Variants in EPB41L4B observed in about 807,000 individuals in gnomAD.
EPB41L4B encodes the protein erythrocyte membrane protein band 4.1 like 4B, also known as band 4.1-like protein 4B.
Under a neutral mutation model 112.5 loss-of-function variants are expected in EPB41L4B, and 30 were observed. That is an observed-to-expected ratio of 0.27 (90% confidence interval 0.20 to 0.36). The LOEUF (loss-of-function observed/expected upper bound fraction) is 0.36, where lower values mean the gene tolerates loss of function less well. Among genes scored for constraint, EPB41L4B ranks in the 10% least tolerant of loss-of-function variants. The probability of loss-of-function intolerance (pLI) is 1.00; values close to 1 mark genes in which losing one functional copy is unlikely to be tolerated. For synonymous variants in EPB41L4B, 408 were observed against 439.7 expected (o/e 0.93, Z 0.90); for missense variants, 1,024 against 1,133.3 (o/e 0.90, Z 1.38).
At chr9:109,255,926 A>T in intron 9 of EPB41L4B, 83 bp from the exon 10 acceptor site, 2 of 1,396,686 alleles carry the variant, frequency 1.4e-6, no homozygotes, top group Non-Finnish European at 2.0e-6. Flanking sequence ...TTCTACTTTT[A>T]AAGCTTAGAC....
At chr9:109,311,585 C>A (rs1837416002) in intron 1 of EPB41L4B, among the ~76,000 whole-genome samples, 2 of 152,206 alleles carry the variant, frequency 1.3e-5, no homozygotes, top group Admixed American at 1.3e-4. Flanking sequence ...CCAGCTATGA[C>A]TTTGGGGAAA....
chr9:109,304,316 A>G (rs1385767133), intron 1 of EPB41L4B, among the ~76,000 whole-genome samples: 4 of 152,156 alleles, frequency 2.6e-5, no homozygotes, highest in African/African-American at 4.8e-5. Flanking sequence ...TTCCAATACT[A>G]GATATACAAT....
intron 22 of EPB41L4B, among the ~76,000 whole-genome samples, chr9:109,188,534 T>C (rs1383615340): frequency 6.6e-6 from 1 of 152,186 alleles, no homozygotes; most frequent in Admixed American, 6.5e-5. Flanking sequence ...ATGGACTAAA[T>C]AGATTTCTCT....
At chr9:109,191,171 C>A (rs528139906) in intron 22 of EPB41L4B, among the ~76,000 whole-genome samples, 1 of 152,264 alleles carries the variant, frequency 6.6e-6, no homozygotes, top group East Asian at 1.9e-4. Flanking sequence ...GATTCTGGAA[C>A]AAAGTGAGGT....
Position 109,203,624 on chromosome 9 carries a change from G to C in EPB41L4B, c.1946+39C>G. On this transcript the variant is annotated intron_variant, in intron 19 of 25. Transcript: ENST00000374566. Reference sequence around the variant, plus strand: ...TTTCAAGGATAATGTTGATGATACAGAGAATATCATTTCCCCATTCAGACA... The same window carrying C: ...TTTCAAGGATAATGTTGATGATACACAGAATATCATTTCCCCATTCAGACA... 4 of 1,468,138 alleles carry C rather than the reference G, an allele frequency of 2.7e-6. 1 individual carries two copies. The South Asian group carries it at 3.4e-5, about 13-fold the overall frequency. The allele number at this position is 1,468,138 out of a possible 1,614,324, so 90.9% of individuals were successfully genotyped here. A position where few individuals can be genotyped will look rare whatever the true frequency, so the allele number is the denominator to read the frequency against.
chr9:109,241,598 A>G, intron 15 of EPB41L4B: 1 of 1,603,310 alleles, frequency 6.2e-7, no homozygotes, highest in Non-Finnish European at 8.5e-7. Flanking sequence ...ATCTGAGGCC[A>G]AGACACTTTT....
At chr9:109,269,560 G>A (rs1424856325) in intron 2 of EPB41L4B, among the ~76,000 whole-genome samples, 7 of 152,170 alleles carry the variant, frequency 4.6e-5, no homozygotes, top group Admixed American at 4.6e-4. Context: ...CCTGTGCCAG[G>A]CACAAGATAT....
At position 109,194,283 on chromosome 9, in the gene EPB41L4B, C is replaced by G; in HGVS notation, c.2160G>C (p.Lys720Asn). The change falls in exon 21 of 26, where the codon AAG becomes AAC. Residue 720 changes from lysine to asparagine, a missense_variant. Lys to Asn is a moderately conservative substitution (Grantham distance 94). Coordinates refer to ENST00000374566, the MANE Select transcript of EPB41L4B (RefSeq NM_019114.5). ...TGTGAGGCGAGCTGACATTCTGGAC[C>G]TTGGGGGACGGCAGCGGCACGGAGA... ...TQVSVPLPSP[K>N]VQNVSSPHKS... 1 of 1,614,198 alleles carries G rather than the reference C, an allele frequency of 6.2e-7. No individual in the cohort carries two copies. Among genetic ancestry groups the G allele is most frequent in the South Asian group, 1.1e-5 (1 of 91,076 alleles).
chr9:109,252,362 C>A lies in EPB41L4B; in HGVS notation c.1280-851G>T, dbSNP rs1484533244. ...AACAGAACAGAGAGCGTTCTGGCCC[C>A]TTCCTCCCGGGCGCTGTGGCCACCC... On this transcript the variant is annotated intron_variant, in intron 12 of 25. Coordinates refer to ENST00000374566, the MANE Select transcript of EPB41L4B (RefSeq NM_019114.5). Among the ~76,000 whole-genome samples, 3 of 152,326 alleles carry A rather than the reference C, an allele frequency of 2.0e-5. No homozygotes were observed. In the South Asian group the frequency reaches 6.2e-4, roughly 32 times the overall value.
At chr9:109,273,692 C>T (rs1356096793) in intron 2 of EPB41L4B, among the ~76,000 whole-genome samples, 3 of 152,168 alleles carry the variant, frequency 2.0e-5, no homozygotes, top group African/African-American at 4.8e-5. Context: ...CCTCAGAGCA[C>T]GGGCACCTGA....
chr9:109,306,791 A>G (rs529998810), intron 1 of EPB41L4B, among the ~76,000 whole-genome samples: 5 of 152,290 alleles, frequency 3.3e-5, no homozygotes, highest in South Asian at 2.1e-4. Context: ...TTAACTTATT[A>G]ATCAGCCAGC....
Position 109,241,288 on chromosome 9 carries a change from T to G in EPB41L4B, c.1409+2330A>C, listed in dbSNP as rs894390830. On this transcript the variant is annotated intron_variant, in intron 15 of 25. Coordinates refer to ENST00000374566, the MANE Select transcript of EPB41L4B (RefSeq NM_019114.5). ...GAAACTGGACCCTAGCAATCTCAAC[T>G]TCTACGACAGGAATATATGCTGAGC... 3 of 1,001,864 alleles carry G rather than the reference T, an allele frequency of 3.0e-6. No individual in the cohort carries two copies. In the African/African-American group the frequency reaches 5.2e-5, roughly 17 times the overall value. 62.1% of individuals were successfully genotyped at this position (1,001,864 alleles called of 1,614,324 possible).
intron 15 of EPB41L4B, among the ~76,000 whole-genome samples, chr9:109,236,298 T>C (rs1329287129): frequency 6.6e-6 from 1 of 152,044 alleles, no homozygotes; most frequent in Non-Finnish European, 1.5e-5. Flanking sequence ...AAAGAACCAC[T>C]AGAATGCTCG....
In EPB41L4B at chr9:109,216,924, G is replaced by A. The variant is rs547175393; in HGVS notation, c.1631C>T (p.Thr544Ile). Reference protein sequence around the residue: ...RSPNSSSKSLTKLSPGTPALF... With the variant: ...RSPNSSSKSLIKLSPGTPALF... ...TTGCCCCCTCCACCCCTACTCACTT[G>A]TAAGGGACTTGCTGCTGGAGTTTGG... The change falls in exon 16 of 26, where the codon ACA (threonine) becomes ATA (isoleucine). Residue 544 changes from threonine (T) to isoleucine (I), a missense_variant and splice_region_variant. Transcript: ENST00000374566. 5 of 1,613,964 alleles carry A rather than the reference G, an allele frequency of 3.1e-6. No homozygotes were observed. The South Asian group carries it at 3.3e-5, about 11-fold the overall frequency.
At chr9:109,217,283 A>G (rs1021867735) in intron 15 of EPB41L4B, 138 bp from the exon 16 acceptor site, 1 of 702,352 alleles carries the variant, frequency 1.4e-6, no homozygotes, top group Non-Finnish European at 2.4e-6. Flanking sequence ...ATTATAAAGT[A>G]TATACAATGG....
chr9:109,314,333 CCTT>C (rs1837545465), intron 1 of EPB41L4B, among the ~76,000 whole-genome samples: 1 of 152,228 alleles, frequency 6.6e-6, no homozygotes, highest in Non-Finnish European at 1.5e-5. Context: ...CCCCCATCGA[CCTT>C]CTGCTATTTC....
intron 15 of EPB41L4B, among the ~76,000 whole-genome samples, chr9:109,242,551 A>G (rs1359117170): frequency 6.6e-6 from 1 of 152,254 alleles, no homozygotes; most frequent in Non-Finnish European, 1.5e-5. Context: ...ATTTAGAATT[A>G]TTACTCCACT....
At chr9:109,235,797 G>A (rs951773557) in intron 15 of EPB41L4B, among the ~76,000 whole-genome samples, 2 of 152,116 alleles carry the variant, frequency 1.3e-5, no homozygotes, top group African/African-American at 4.8e-5. Flanking sequence ...CAAACACTGC[G>A]CAAAACATCT....
intron 15 of EPB41L4B, among the ~76,000 whole-genome samples, chr9:109,235,982 TA>T (rs1834126941): frequency 1.3e-5 from 2 of 152,222 alleles, no homozygotes; most frequent in African/African-American, 4.8e-5. Flanking sequence ...ACACTTCACC[TA>T]ATCAGAGAAC....
Sources: gnomAD v4.1 joint callset for allele counts (sites outside exome capture counted in the v4.1 genomes callset) on GRCh38, gnomAD v4.1.1 for gene constraint, MANE v1.5 for transcripts, NCBI Gene and HGNC (gene_info 2026-07-23, HGNC 2026-07-21) for gene names.